Variants in TTC21B observed in about 807,000 individuals in gnomAD.
TTC21B encodes tetratricopeptide repeat protein 21B.
Under a neutral mutation model 175.1 loss-of-function variants are expected in TTC21B, and 127 were observed. The ratio of observed to expected loss-of-function variants is 0.73; its 90% CI spans 0.63 to 0.84. TTC21B has a LOEUF of 0.84. Among genes scored for constraint, TTC21B ranks in the 40% least tolerant of loss-of-function variants. The probability of loss-of-function intolerance (pLI) is 0.00; values close to 1 mark genes in which losing one functional copy is unlikely to be tolerated. For synonymous variants in TTC21B, 524 were observed against 524.5 expected (o/e 1.00, Z 0.01); for missense variants, 1,561 against 1,558.3 (o/e 1.00, Z -0.03).
chr2:165,879,113 A>C (rs1282679267), intron 27 of TTC21B, among the ~76,000 whole-genome samples: 1 of 152,230 alleles, frequency 6.6e-6, no homozygotes, highest in Non-Finnish European at 1.5e-5. Flanking sequence ...GGAGAGCCTT[A>C]GAAAGAAATG....
intron 10 of TTC21B, 136 bp from the exon 11 acceptor site, chr2:165,929,471 T>C: frequency 1.1e-6 from 1 of 935,258 alleles, no homozygotes; most frequent in African/African-American, 1.7e-5. Flanking sequence ...TTGAATAGAC[T>C]TTTAGAATCA....
chr2:165,941,140 C>A lies in TTC21B; in HGVS notation c.597G>T (p.Glu199Asp), dbSNP rs942161438. Residue 199 changes from glutamate (E) to aspartate (D), a missense_variant, in exon 6 of 29, where the codon GAG (glutamate) becomes GAT (aspartate). By Grantham distance (45) the Glu-to-Asp change is conservative. Coordinates refer to ENST00000243344, the MANE Select transcript of TTC21B (RefSeq NM_024753.5). Reference sequence around the variant, plus strand: ...AATTCACGATTATCTGGTTCACAGTCTCCAGGGCACCTGAATAATTCTGGC... The same window carrying A: ...AATTCACGATTATCTGGTTCACAGTATCCAGGGCACCTGAATAATTCTGGC... Reference protein sequence around the residue: ...EMRQNYSGALETVNQIIVNFP... With the variant: ...EMRQNYSGALDTVNQIIVNFP... 5 of 1,613,882 alleles carry A rather than the reference C, an allele frequency of 3.1e-6. No individual in the cohort carries two copies. Among genetic ancestry groups the A allele is most frequent in the African/African-American group, 1.3e-5 (1 of 75,026 alleles).
intron 26 of TTC21B, among the ~76,000 whole-genome samples, chr2:165,882,202 G>A (rs886341459): frequency 6.6e-6 from 1 of 152,014 alleles, no homozygotes; most frequent in African/African-American, 2.4e-5. Context: ...TGAAAAATGG[G>A]GATAGCCTAT....
At chr2:165,904,238 T>A (rs1020704513) in intron 19 of TTC21B, among the ~76,000 whole-genome samples, 3 of 152,176 alleles carry the variant, frequency 2.0e-5, no homozygotes, top group Admixed American at 1.3e-4. Context: ...CTGGGTGCAA[T>A]TCTCTATCAT....
At position 165,883,210 on chromosome 2, in the gene TTC21B, G is replaced by T. The variant is rs563406673; in HGVS notation, c.3684+584C>A. ...CAAAAAAATAAATCTTAACTTTAAA[G>T]AACTGTTATAATGACATCTTTTGTA... On this transcript the variant is annotated intron_variant, in intron 26 of 28. Transcript: ENST00000243344. Among the ~76,000 whole-genome samples, 7 of 152,134 alleles carry T rather than the reference G, an allele frequency of 4.6e-5. No homozygotes were observed. In the South Asian group the frequency reaches 1.5e-3, roughly 32 times the overall value.
At chr2:165,924,491 C>T (rs112985400) in intron 12 of TTC21B, 58 bp downstream of exon 12, 162 of 1,535,686 alleles carry the variant, frequency 1.1e-4, no homozygotes, top group African/African-American at 6.3e-4. Flanking sequence ...AATTTATTTA[C>T]GCTTGTTTTT....
chr2:165,941,302 T>C lies in TTC21B; in HGVS notation c.553-118A>G, dbSNP rs1182741796. 13 of 1,151,370 alleles carry C rather than the reference T, an allele frequency of 1.1e-5. No individual in the cohort carries two copies. In the East Asian group the frequency reaches 2.5e-4, roughly 22 times the overall value. 71.3% of individuals were successfully genotyped at this position (1,151,370 alleles called of 1,614,324 possible). A position where few individuals can be genotyped will look rare whatever the true frequency, so the allele number is the denominator to read the frequency against. On this transcript the variant is annotated intron_variant, in intron 5 of 28. Transcript: ENST00000243344. ...CTTACTTTTCTGTGAGGAGCAGTTA[T>C]CACTTTTTAAGTTTTTGTCAAAACA...
chr2:165,930,414 T>C (rs1471384859), intron 8 of TTC21B, 50 bp from the exon 9 acceptor site: 2 of 1,345,458 alleles, frequency 1.5e-6, no homozygotes, highest in Non-Finnish European at 2.1e-6. Context: ...ACATTTCTAC[T>C]GAGACTAAAG....
chr2:165,929,397 T>C (rs964680950), intron 10 of TTC21B, 62 bp from the exon 11 acceptor site: 15 of 1,377,252 alleles, frequency 1.1e-5, no homozygotes, highest in Non-Finnish European at 1.5e-5. Flanking sequence ...TATTTCCACT[T>C]AGATTTCAAA....
intron 25 of TTC21B, 117 bp downstream of exon 25, chr2:165,888,162 T>G (rs1685071448): frequency 1.2e-6 from 1 of 825,566 alleles, no homozygotes; most frequent in Non-Finnish European, 2.0e-6. Context: ...TACCTAATTT[T>G]TAATAAAAGT....
At chr2:165,889,370 G>C (rs1013083483) in intron 24 of TTC21B, among the ~76,000 whole-genome samples, 5 of 152,006 alleles carry the variant, frequency 3.3e-5, no homozygotes, top group Admixed American at 6.6e-5. Flanking sequence ...TTAAATGTTA[G>C]CAAGCTTAAC....
At chr2:165,886,621 T>C (rs1448622535) in intron 25 of TTC21B, among the ~76,000 whole-genome samples, 1 of 152,120 alleles carries the variant, frequency 6.6e-6, no homozygotes, top group Non-Finnish European at 1.5e-5. Context: ...TATGTAAGGA[T>C]GATTAAAAAA....
chr2:165,884,271 A>G (rs1308984209), intron 25 of TTC21B, among the ~76,000 whole-genome samples: 1 of 152,242 alleles, frequency 6.6e-6, no homozygotes, highest in African/African-American at 2.4e-5. Flanking sequence ...ATATGCACAC[A>G]ATTCCAAGAA....
chr2:165,919,161 T>C (rs1355479436), intron 13 of TTC21B, 115 bp downstream of exon 13: 5 of 1,256,450 alleles, frequency 4.0e-6, no homozygotes, highest in Non-Finnish European at 4.6e-6. Context: ...CATTTTTTTT[T>C]CCATTAAAAA....
At chr2:165,896,204 T>C (rs940180680) in intron 22 of TTC21B, among the ~76,000 whole-genome samples, 48 of 152,148 alleles carry the variant, frequency 3.2e-4, no homozygotes, top group Non-Finnish European at 5.9e-5. Context: ...TAGGACTTCC[T>C]CTGCCATTTC....
chr2:165,883,642 T>G (rs1389735968), intron 26 of TTC21B, 152 bp downstream of exon 26: 2 of 675,234 alleles, frequency 3.0e-6, no homozygotes, highest in Admixed American at 2.7e-5. Context: ...TTCTTATTAT[T>G]AATGCTTGTT....
intron 12 of TTC21B, 66 bp downstream of exon 12, chr2:165,924,482 AT>A: frequency 6.6e-7 from 1 of 1,509,050 alleles, no homozygotes. Context: ...ACAGTGCTTA[AT>A]TTATTTACGC....
chr2:165,933,836 A>G (rs1187354505), intron 6 of TTC21B: 1 of 152,136 alleles, frequency 6.6e-6, no homozygotes, highest in Non-Finnish European at 1.5e-5. Flanking sequence ...GCAGTGTATC[A>G]ACCTAAATTT....
In TTC21B at chr2:165,883,868, C is replaced by T; in HGVS notation, c.3610G>A (p.Ala1204Thr). 2 of 1,614,070 alleles carry T rather than the reference C, an allele frequency of 1.2e-6. No homozygotes were observed. Among genetic ancestry groups the T allele is most frequent in the Non-Finnish European group, 1.7e-6 (2 of 1,179,974 alleles). ...EEFEKSWLLLADIYIQSAKYD... is the reference protein window; with the variant it reads ...EEFEKSWLLLTDIYIQSAKYD... ...TTTGCTGATTGAATGTAAATATCAG[C>T]AAGTAGCAGCCAACTCTTCTCAAAC... is the stretch of plus-strand genomic sequence containing the variant. Residue 1204 changes from alanine (A) to threonine (T), a missense_variant, in exon 26 of 29, where the codon GCT becomes ACT. Coordinates refer to ENST00000243344, the MANE Select transcript of TTC21B (RefSeq NM_024753.5).
Sources: allele counts gnomAD v4.1 joint callset (sites outside exome capture counted in the v4.1 genomes callset), GRCh38; gene constraint gnomAD v4.1.1; transcripts MANE v1.5; gene names NCBI Gene and HGNC (gene_info 2026-07-23, HGNC 2026-07-21).